The following COBL variants were observed in gnomAD, a reference collection of about 807,000 sequenced individuals.
COBL encodes the protein protein cordon-bleu.
Under a neutral mutation model 98.8 loss-of-function variants are expected in COBL, and 51 were observed. The ratio of observed to expected loss-of-function variants is 0.52; its 90% CI spans 0.41 to 0.65. The LOEUF (loss-of-function observed/expected upper bound fraction) is 0.65, where lower values mean the gene tolerates loss of function less well. COBL is among the 30% of genes least tolerant of loss of function. COBL has a pLI of 0.00. For missense variants in COBL, 1,617 were observed against 1,617.5 expected, an observed-to-expected ratio of 1.00 and a Z score of 0.01; for synonymous variants, 634 against 651.7, an observed-to-expected ratio of 0.97 and a Z score of 0.41.
intron 2 of COBL, among the ~76,000 whole-genome samples, chr7:51,199,781 G>GAAAAAA (rs770599076): frequency 8.9e-6 from 1 of 112,672 alleles, no homozygotes; most frequent in Non-Finnish European, 1.9e-5. Flanking sequence ...CCAGTTAGAA[G>GAAAAAA]AAAAAAAAAA....
chr7:51,104,127 A>G (rs1459757553), intron 6 of COBL, among the ~76,000 whole-genome samples: 1 of 152,280 alleles, frequency 6.6e-6, no homozygotes, highest in African/African-American at 2.4e-5. Flanking sequence ...AGATTTGTAC[A>G]TAACAGGATA....
At chr7:51,213,687 G>A (rs548515965) in intron 2 of COBL, among the ~76,000 whole-genome samples, 22 of 152,234 alleles carry the variant, frequency 1.4e-4, no homozygotes, top group East Asian at 5.8e-4. Flanking sequence ...CCTGGGTCCC[G>A]GGCCTGTCAA....
intron 2 of COBL, among the ~76,000 whole-genome samples, chr7:51,199,878 T>C (rs983433382): frequency 6.6e-6 from 1 of 151,862 alleles, no homozygotes; most frequent in African/African-American, 2.4e-5. Flanking sequence ...GGCAAAAATC[T>C]TCCCAACTCT....
intron 2 of COBL, among the ~76,000 whole-genome samples, chr7:51,206,872 G>C (rs1167133538): frequency 6.6e-6 from 1 of 152,192 alleles, no homozygotes; most frequent in African/African-American, 2.4e-5. Context: ...CTGGGCAATA[G>C]GGAGGTGGTC....
At chr7:51,065,049 T>C (rs972437956) in intron 7 of COBL, 3 of 636,174 alleles carry the variant, frequency 4.7e-6, no homozygotes, top group Non-Finnish European at 8.5e-6. Context: ...ATAACACTGA[T>C]TTCAGGAGGA....
intron 6 of COBL, among the ~76,000 whole-genome samples, chr7:51,095,832 A>T (rs1795222993): frequency 6.6e-6 from 1 of 152,230 alleles, no homozygotes; most frequent in Admixed American, 6.5e-5. Flanking sequence ...CTCACTAGGA[A>T]GGTATAAAAA....
intron 5 of COBL, among the ~76,000 whole-genome samples, chr7:51,161,634 T>C (rs2129035113): frequency 6.6e-6 from 1 of 152,210 alleles, no homozygotes; most frequent in East Asian, 1.9e-4. Flanking sequence ...TGTTTGCTTG[T>C]TTTATAAGGC....
chr7:51,171,296 T>C (rs907983615), intron 5 of COBL, among the ~76,000 whole-genome samples: 2 of 152,296 alleles, frequency 1.3e-5, no homozygotes, highest in South Asian at 2.1e-4. Flanking sequence ...TCTAATCAGG[T>C]ATCATTCAAG....
intron 5 of COBL, among the ~76,000 whole-genome samples, chr7:51,173,871 T>C (rs926229926): frequency 2.0e-5 from 3 of 152,218 alleles, no homozygotes; most frequent in African/African-American, 7.2e-5. Context: ...ATCATATTCC[T>C]TTAAGTATAT....
chr7:51,193,856 G>A (rs1325619676), intron 2 of COBL, among the ~76,000 whole-genome samples: 1 of 151,968 alleles, frequency 6.6e-6, no homozygotes, highest in Non-Finnish European at 1.5e-5. Context: ...TAAATCCAAG[G>A]GTATGTTGAG....
At position 51,016,296 on chromosome 7, in the gene COBL, A is replaced by G. The variant is rs1246376155; in HGVS notation, c.*1255T>C. 2 of 152,236 alleles carry G rather than the reference A, an allele frequency of 1.3e-5. No individual in the cohort carries two copies. The highest frequency in any genetic ancestry group is 4.8e-5 in the African/African-American group (2 of 41,462). The allele number at this position is 152,236 out of a possible 1,614,324, so 9.4% of individuals were successfully genotyped here. Reference sequence around the variant, plus strand: ...ATTGGCTGGTAGCTCGTGCCTCACCAAGAGTTTAGCAACGTTAATCAGTGA... The same window carrying G: ...ATTGGCTGGTAGCTCGTGCCTCACCGAGAGTTTAGCAACGTTAATCAGTGA... On this transcript the variant is annotated 3_prime_UTR_variant, in exon 13 of 13. Transcript: ENST00000265136.
At position 51,076,144 on chromosome 7, in the gene COBL, C is replaced by T. The variant is rs113393441; in HGVS notation, c.1096+9022G>A. Among the ~76,000 whole-genome samples, 159 of 152,378 alleles carry T rather than the reference C, an allele frequency of 1.0e-3. No individual in the cohort carries two copies. In the Middle Eastern group the frequency reaches 0.02, roughly 20 times the overall value. On this transcript the variant is annotated intron_variant, in intron 7 of 12. Transcript: ENST00000265136. ...TTCCCAGGGCTTGCTCTGAGCTCCA[C>T]ACCTGTAGTGTTTCATGGGTGTTTC...
chr7:51,154,048 G>A (rs940956890), intron 5 of COBL, among the ~76,000 whole-genome samples: 2 of 152,160 alleles, frequency 1.3e-5, no homozygotes, highest in East Asian at 1.9e-4. Flanking sequence ...TGAAAGATGA[G>A]TGCCTCCAAC....
intron 1 of COBL, among the ~76,000 whole-genome samples, chr7:51,258,387 T>G (rs1213795528): frequency 6.6e-6 from 1 of 152,156 alleles, no homozygotes; most frequent in Non-Finnish European, 1.5e-5. Flanking sequence ...AGTTACTCAT[T>G]TACCGACATT....
chr7:51,237,779 C>T (rs545350053), intron 1 of COBL, among the ~76,000 whole-genome samples: 12 of 152,260 alleles, frequency 7.9e-5, no homozygotes, highest in East Asian at 3.9e-4. Flanking sequence ...GAAAACAAAA[C>T]GTGTATTAGA....
At chr7:51,172,803 T>C (rs1328726892) in intron 5 of COBL, among the ~76,000 whole-genome samples, 1 of 152,176 alleles carries the variant, frequency 6.6e-6, no homozygotes, top group African/African-American at 2.4e-5. Context: ...TCTTTCCTTT[T>C]TTTTTGACAG....
chr7:51,065,151 T>C (rs201985786), intron 7 of COBL: 51 of 701,078 alleles, frequency 7.3e-5, no homozygotes, highest in Admixed American at 6.6e-4. Context: ...TGATTAGGGA[T>C]TGTCTCCCAA....
chr7:51,093,055 CA>C lies in COBL; in HGVS notation c.958-7752del, dbSNP rs1280625599. On this transcript the variant is annotated intron_variant, in intron 6 of 12. Transcript: ENST00000265136. ...AATGCATTAAACTAAATAGCTCCTG[CA>C]CAGCAAAGAAAACAATGAACAGAGT... is the stretch of plus-strand genomic sequence containing the variant. Among the ~76,000 whole-genome samples the C allele has an allele frequency of 2.6e-5, 4 of 152,184 alleles. No homozygotes were observed. The East Asian group carries it at 7.7e-4, about 29-fold the overall frequency.
chr7:51,117,097 A>T (rs1406997109), intron 6 of COBL, among the ~76,000 whole-genome samples: 1 of 110,754 alleles, frequency 9.0e-6, no homozygotes, highest in African/African-American at 3.5e-5. Context: ...CCCTGCACAA[A>T]ATATGGCATT....
Sources: allele counts gnomAD v4.1 joint callset (sites outside exome capture counted in the v4.1 genomes callset), GRCh38; gene constraint gnomAD v4.1.1; transcripts MANE v1.5; gene names NCBI Gene and HGNC (gene_info 2026-07-23, HGNC 2026-07-21).